EHBP1: variants seen among roughly 807,000 people sequenced by gnomAD.
EHBP1 encodes the protein EH domain binding protein 1.
In EHBP1, 55 loss-of-function variants were observed where a neutral mutation model predicts 144.0. The ratio of observed to expected loss-of-function variants is 0.38; its 90% CI spans 0.31 to 0.48. EHBP1 has a LOEUF of 0.48. EHBP1 is among the 20% of genes least tolerant of loss of function. EHBP1 has a pLI of 0.98. For missense variants in EHBP1, 1,200 were observed against 1,364.2 expected (o/e 0.88, Z 1.90); for synonymous variants, 469 against 472.7 (o/e 0.99, Z 0.10).
chr2:62,976,218 A>C (rs2153188586), intron 14 of EHBP1, among the ~76,000 whole-genome samples: 2 of 152,058 alleles, frequency 1.3e-5, no homozygotes, highest in South Asian at 4.2e-4. Context: ...GGGTTCTTCT[A>C]ATTGGTTCTC....
intron 15 of EHBP1, among the ~76,000 whole-genome samples, chr2:62,983,731 G>A (rs866901846): frequency 5.3e-5 from 8 of 152,084 alleles, no homozygotes; most frequent in East Asian, 1.9e-4. Flanking sequence ...TAGTAGATAC[G>A]GGGTTTCACC....
intron 5 of EHBP1, among the ~76,000 whole-genome samples, chr2:62,821,885 A>G (rs923480569): frequency 6.6e-6 from 1 of 152,126 alleles, no homozygotes; most frequent in Non-Finnish European, 1.5e-5. Context: ...TCTGGGGTAC[A>G]TGAGATGTTT....
At chr2:62,821,684 AAGCAACAAC>A (rs1161618927) in intron 5 of EHBP1, among the ~76,000 whole-genome samples, 2 of 152,286 alleles carry the variant, frequency 1.3e-5, no homozygotes, top group South Asian at 2.1e-4. Context: ...TGGCTCAAAA[AAGCAACAAC>A]AGCAACAACA....
chr2:62,695,867 C>T (rs181238493), intron 1 of EHBP1, among the ~76,000 whole-genome samples: 115 of 152,094 alleles, frequency 7.6e-4, no homozygotes, highest in Middle Eastern at 6.8e-3. Flanking sequence ...CGTGTGCCAC[C>T]GCACCCAGCT....
chr2:62,823,780 A>G (rs2046155659), intron 5 of EHBP1, among the ~76,000 whole-genome samples: 2 of 152,064 alleles, frequency 1.3e-5, no homozygotes, highest in African/African-American at 4.8e-5. Flanking sequence ...AACACCATTC[A>G]AATTCCTTTT....
intron 10 of EHBP1, among the ~76,000 whole-genome samples, chr2:62,921,666 A>G (rs1415323040): frequency 6.6e-6 from 1 of 152,184 alleles, no homozygotes. Context: ...CTTATCACAA[A>G]TTACAGTAGA....
intron 1 of EHBP1, among the ~76,000 whole-genome samples, chr2:62,686,273 T>C (rs2033715850): frequency 6.6e-6 from 1 of 152,222 alleles, no homozygotes. Flanking sequence ...CCATAAATAA[T>C]ATACTGCATA....
intron 7 of EHBP1, among the ~76,000 whole-genome samples, chr2:62,838,352 G>A (rs1421595401): frequency 1.1e-4 from 17 of 152,148 alleles, no homozygotes; most frequent in African/African-American, 4.1e-4. Context: ...TGTGTAGAGG[G>A]AAATTTATAG....
chr2:62,808,233 T>A (rs865920955), intron 5 of EHBP1, among the ~76,000 whole-genome samples: 2 of 149,034 alleles, frequency 1.3e-5, no homozygotes, highest in Non-Finnish European at 3.0e-5. Context: ...TTTTTTTTTT[T>A]CCTCTGCTTC....
chr2:62,807,479 C>T (rs538635963), intron 5 of EHBP1, among the ~76,000 whole-genome samples: 11 of 152,070 alleles, frequency 7.2e-5, no homozygotes, highest in African/African-American at 1.2e-4. Flanking sequence ...ACCCAGGAGG[C>T]GGAGGTTGCA....
chr2:62,862,261 C>T (rs2049625088), intron 8 of EHBP1, among the ~76,000 whole-genome samples: 1 of 152,136 alleles, frequency 6.6e-6, no homozygotes, highest in South Asian at 2.1e-4. Context: ...AACATAAAGA[C>T]AAAATAAATT....
rs2058287196 is a variant in EHBP1 at position 62,967,261 on chromosome 2, C to G, written c.2460+11601C>G. On this transcript the variant is annotated intron_variant, in intron 14 of 22. Transcript: ENST00000431489. ...TTAGCCCTGTTCTGCTACTTACTTG[C>G]ATTTTAAGTTGACACCTCTACAGCG... Among the ~76,000 whole-genome samples, 3 of 152,192 alleles carry G rather than the reference C, an allele frequency of 2.0e-5. No homozygotes were observed. In the South Asian group the frequency reaches 6.2e-4, roughly 31 times the overall value.
intron 6 of EHBP1, among the ~76,000 whole-genome samples, chr2:62,830,240 A>C (rs1369765221): frequency 3.3e-5 from 5 of 151,202 alleles, no homozygotes; most frequent in Non-Finnish European, 1.5e-5. Flanking sequence ...ACAATATGGA[A>C]TACTACTATA....
At chr2:62,713,408 G>GT (rs1430237153) in intron 2 of EHBP1, among the ~76,000 whole-genome samples, 2 of 151,754 alleles carry the variant, frequency 1.3e-5, no homozygotes, top group Non-Finnish European at 2.9e-5. Flanking sequence ...TGTCTGGCTA[G>GT]TTTTTTTGTA....
chr2:62,800,141 G>A (rs2043870521), intron 5 of EHBP1, among the ~76,000 whole-genome samples: 1 of 152,108 alleles, frequency 6.6e-6, no homozygotes, highest in African/African-American at 2.4e-5. Flanking sequence ...AATGTCCCTT[G>A]TCCTTTTTTG....
intron 5 of EHBP1, among the ~76,000 whole-genome samples, chr2:62,787,681 T>C (rs2042909865): frequency 6.6e-6 from 1 of 152,096 alleles, no homozygotes; most frequent in South Asian, 2.1e-4. Context: ...TTCCTGACCC[T>C]TCATGAAAGA....
chr2:62,751,284 A>G (rs969005675), intron 3 of EHBP1, among the ~76,000 whole-genome samples: 15 of 152,206 alleles, frequency 9.9e-5, no homozygotes, highest in African/African-American at 3.6e-4. Flanking sequence ...GCTGGATTAC[A>G]TTTATTGATT....
At position 62,948,641 on chromosome 2, in the gene EHBP1, C is replaced by T; in HGVS notation, c.1795C>T (p.His599Tyr). 2 of 1,613,912 alleles carry T rather than the reference C, an allele frequency of 1.2e-6. No individual in the cohort carries two copies. The highest frequency in any genetic ancestry group is 1.1e-5 in the South Asian group (1 of 91,066). ...SESEHQTPDD[H>Y]LSPSTASPYC... The stretch of plus-strand genomic sequence containing the variant: ...AAGTGAGCATCAAACTCCTGATGAT[C>T]ACCTTAGTCCAAGCACAGCCTCCCC... The change falls in exon 13 of 23, where the codon CAC (histidine) becomes TAC (tyrosine). Residue 599 changes from histidine (H) to tyrosine (Y), a missense_variant. This residue lies in a region of EHBP1 where 543 missense variants were observed against 513.1 expected (regional missense o/e 1.06). Coordinates refer to ENST00000431489, the MANE Select transcript of EHBP1 (RefSeq NM_001142616.3).
At chr2:62,996,543 A>G (rs1453529611) in intron 18 of EHBP1, 100 bp from the exon 19 acceptor site, 30 of 1,472,256 alleles carry the variant, frequency 2.0e-5, no homozygotes, top group Non-Finnish European at 2.8e-5. Context: ...CTAACGGTGT[A>G]TTTGGTTCTC....
Sources: allele counts gnomAD v4.1 joint callset (sites outside exome capture counted in the v4.1 genomes callset), GRCh38; gene constraint gnomAD v4.1.1; regional missense constraint gnomAD v4.1.1; transcripts MANE v1.5; gene names NCBI Gene and HGNC (gene_info 2026-07-23, HGNC 2026-07-21).